Variants in MCM5 observed in about 807,000 individuals in gnomAD.
The protein encoded by MCM5 is DNA replication licensing factor MCM5.
In MCM5, 46 loss-of-function variants were observed where a neutral mutation model predicts 79.9. That is an observed-to-expected ratio of 0.58 (90% confidence interval 0.45 to 0.74). The LOEUF is 0.74. Among genes scored for constraint, MCM5 ranks in the 30% least tolerant of loss-of-function variants. The probability of loss-of-function intolerance (pLI) is 0.00; values close to 1 mark genes in which losing one functional copy is unlikely to be tolerated. For missense variants in MCM5, 883 were observed against 1,017.0 expected (o/e 0.87, Z 1.79); for synonymous variants, 404 against 390.5 (o/e 1.03, Z -0.41).
At chr22:35,404,980 G>A (rs4645753) in intron 4 of MCM5, among the ~76,000 whole-genome samples, 9,265 of 149,902 alleles carry the variant, frequency 0.062, 386 homozygotes, top group Non-Finnish European at 0.088. Flanking sequence ...GAATCCTCTT[G>A]TACTCATCAC....
rs868349166 is a variant in MCM5 at position 35,403,354 on chromosome 22, G to A, written c.294+21G>A. The A allele has an allele frequency of 8.7e-6, 14 of 1,613,976 alleles. 1 individual carries two copies. The Middle Eastern group carries it at 2.0e-3, about 227-fold the overall frequency. ...AGCTGGTGAGTGGGACCCCATCCCT[G>A]AGCTTCCCAGGGCTGCTCTGCCCCA... On this transcript the variant is annotated intron_variant, in intron 3 of 16. Coordinates refer to ENST00000216122, the MANE Select transcript of MCM5 (RefSeq NM_006739.4).
chr22:35,428,546 A>G (rs1932792111), downstream of MCM5, among the ~76,000 whole-genome samples: 1 of 152,092 alleles, frequency 6.6e-6, no homozygotes, highest in African/African-American at 2.4e-5. Context: ...TATGTAAACT[A>G]TCTACATATG....
chr22:35,422,713 G>A (rs1374197117), intron 15 of MCM5: 1 of 152,426 alleles, frequency 6.6e-6, no homozygotes, highest in Non-Finnish European at 1.5e-5. Flanking sequence ...CATCTCCTTA[G>A]CTGAAACACC....
downstream of MCM5, among the ~76,000 whole-genome samples, chr22:35,427,641 G>A (rs1932786764): frequency 6.6e-6 from 1 of 151,642 alleles, no homozygotes; most frequent in East Asian, 1.9e-4. Context: ...GTGGTTTGCT[G>A]CACCCATCAA....
At chr22:35,450,005 A>C in the MCM5 span, among the ~76,000 whole-genome samples, 1 of 152,090 alleles carries the variant, frequency 6.6e-6, no homozygotes, top group African/African-American at 2.4e-5. Context: ...GCTGGTCTCA[A>C]ACTTCTGGCC....
At chr22:35,453,813 T>TAG in the MCM5 span, among the ~76,000 whole-genome samples, 7 of 94,774 alleles carry the variant, frequency 7.4e-5, no homozygotes, top group East Asian at 8.6e-4. Flanking sequence ...TATATATATA[T>TAG]ATATATAGAG....
At chr22:35,407,635 A>G (rs1450565647) in intron 5 of MCM5, among the ~76,000 whole-genome samples, 1 of 152,164 alleles carries the variant, frequency 6.6e-6, no homozygotes, top group Non-Finnish European at 1.5e-5. Context: ...TCAAGCTACC[A>G]TAGTCTGTGT....
At chr22:35,416,104 A>G (rs557639143) in intron 10 of MCM5, 132 bp downstream of exon 10, 2 of 1,207,768 alleles carry the variant, frequency 1.7e-6, no homozygotes, top group South Asian at 2.8e-5. Flanking sequence ...TCACTCTAGT[A>G]ACTGTGGGAA....
At chr22:35,431,477 A>G in the MCM5 span, among the ~76,000 whole-genome samples, 1 of 152,110 alleles carries the variant, frequency 6.6e-6, no homozygotes, top group Non-Finnish European at 1.5e-5. Flanking sequence ...TATTTTTTGT[A>G]TGGGTAGCGC....
chr22:35,431,723 G>A, the MCM5 span, among the ~76,000 whole-genome samples: 4 of 152,256 alleles, frequency 2.6e-5, no homozygotes, highest in South Asian at 4.1e-4. Flanking sequence ...TCATGGGTGA[G>A]TTTGAGGATC....
chr22:35,406,682 C>A lies in MCM5; in HGVS notation c.553C>A (p.Arg185Ser), dbSNP rs142715814. ...CAACACCCTCACCAACATTGCCATG[C>A]GCCCTGGCCTCGAGGGCTATGCCCT... is the stretch of plus-strand genomic sequence containing the variant. ...CRNTLTNIAMRPGLEGYALPR... is the reference protein window; with the variant it reads ...CRNTLTNIAMSPGLEGYALPR... The change falls in exon 5 of 17, where the codon CGC becomes AGC. Residue 185 changes from arginine to serine, a missense_variant. Around this residue, in one of 3 missense-constraint regions of MCM5, gnomAD observed 455 missense variants for 517.5 expected, o/e 0.88. Transcript: ENST00000216122. 69 of 1,610,910 alleles carry A rather than the reference C, an allele frequency of 4.3e-5. No homozygotes were observed. In the South Asian group the frequency reaches 5.1e-4, roughly 12 times the overall value.
rs779875449 is a variant in MCM5 at position 35,403,429 on chromosome 22, A to C, written c.310A>C (p.Lys104Gln). 5 of 1,614,170 alleles carry C rather than the reference A, an allele frequency of 3.1e-6. No individual in the cohort carries two copies. The East Asian group carries it at 8.9e-5, about 29-fold the overall frequency. The change falls in exon 4 of 17, where the codon AAG becomes CAG. Residue 104 changes from lysine (K) to glutamine (Q), a missense_variant. Around this residue, in one of 3 missense-constraint regions of MCM5, gnomAD observed 455 missense variants for 517.5 expected, o/e 0.88. Coordinates refer to ENST00000216122, the MANE Select transcript of MCM5 (RefSeq NM_006739.4). ...CTTTCTCCAGCTGGAGGAAGCTGCC[A>C]AGGAGGTAGCTGATGAGGTGACCCG... ...EHLQLLEEAAKEVADEVTRPR... is the reference protein window; with the variant it reads ...EHLQLLEEAAQEVADEVTRPR...
intron 4 of MCM5, among the ~76,000 whole-genome samples, chr22:35,405,375 CTT>C (rs981457457): frequency 2.7e-5 from 4 of 148,750 alleles, no homozygotes; most frequent in Non-Finnish European, 6.0e-5. Context: ...AGATGAATCT[CTT>C]TTTTTTTGAG....
the MCM5 span, among the ~76,000 whole-genome samples, chr22:35,435,924 T>C: frequency 5.9e-5 from 9 of 152,058 alleles, no homozygotes; most frequent in Non-Finnish European, 1.3e-4. Flanking sequence ...CCCAGCACTT[T>C]GGGAGGCCGA....
chr22:35,449,738 C>T, the MCM5 span, among the ~76,000 whole-genome samples: 148 of 152,304 alleles, frequency 9.7e-4, no homozygotes, highest in African/African-American at 3.3e-3. Context: ...GAAAGCCCTT[C>T]CTCTTTCTTG....
the MCM5 span, among the ~76,000 whole-genome samples, chr22:35,450,255 T>C: frequency 6.6e-6 from 1 of 152,180 alleles, no homozygotes; most frequent in Non-Finnish European, 1.5e-5. Flanking sequence ...GAGAGGCTGC[T>C]TCCTCTCTGG....
the MCM5 span, among the ~76,000 whole-genome samples, chr22:35,448,994 A>T: frequency 1.3e-5 from 2 of 152,202 alleles, no homozygotes; most frequent in Non-Finnish European, 2.9e-5. Flanking sequence ...CCTCATGGTC[A>T]AGTCCAGCAT....
At chr22:35,411,195 A>G in intron 7 of MCM5, 1 of 260,904 alleles carries the variant, frequency 3.8e-6, no homozygotes, top group Non-Finnish European at 7.4e-6. Context: ...CTTCTGTGAC[A>G]GGAAATACAA....
Position 35,408,457 on chromosome 22 carries a change from C to A in MCM5, c.646C>A (p.Pro216Thr). The A allele has an allele frequency of 6.2e-7, 1 of 1,614,208 alleles. No individual in the cohort carries two copies. The highest frequency in any genetic ancestry group is 8.5e-7 in the Non-Finnish European group (1 of 1,180,020). ...CCCATTGGACCCGTACTTCATCATG[C>A]CCGACAAATGCAAATGCGTGGACTT... ...KCPLDPYFIM[P>T]DKCKCVDFQT... is the part of the protein sequence containing the mutation. Residue 216 changes from proline to threonine, a missense_variant, in exon 6 of 17, where the codon CCC becomes ACC. By Grantham distance (38) the Pro-to-Thr change is conservative (BLOSUM62 -1). Coordinates refer to ENST00000216122, the MANE Select transcript of MCM5 (RefSeq NM_006739.4).
Sources: allele counts gnomAD v4.1 joint callset (sites outside exome capture counted in the v4.1 genomes callset), GRCh38; gene constraint gnomAD v4.1.1; regional missense constraint gnomAD v4.1.1; transcripts MANE v1.5; gene names NCBI Gene and HGNC (gene_info 2026-07-23, HGNC 2026-07-21).